Variants in ZNF808 observed in about 807,000 individuals in gnomAD.
The protein encoded by ZNF808 is zinc finger protein 808.
ZNF808 carries 5 observed loss-of-function variants against 8.7 expected under a neutral mutation model. The ratio of observed to expected loss-of-function variants is 0.58; its 90% confidence interval spans 0.30 to 1.21. The LOEUF (loss-of-function observed/expected upper bound fraction) is 1.21. Ranked by LOEUF, ZNF808 falls within the 50% of genes most tolerant of loss-of-function variation. ZNF808 has a pLI of 0.07. For synonymous variants in ZNF808, 380 were observed against 366.0 expected (o/e 1.04, Z -0.44); for missense variants, 1,103 against 1,098.4 (o/e 1.00, Z -0.06).
At chr19:52,529,693 G>C (rs772101115) in intron 1 of ZNF808, among the ~76,000 whole-genome samples, 4 of 151,932 alleles carry the variant, frequency 2.6e-5, no homozygotes, top group Non-Finnish European at 5.9e-5. Context: ...AAAAGTCGCT[G>C]TCTGTTATTA....
rs554180206 is a variant in ZNF808 at position 52,561,469 on chromosome 19, G to A, written c.*423-1849G>A. On this transcript the variant is annotated intron_variant and NMD_transcript_variant, in intron 3 of 3. Transcript: ENST00000487863. Reference sequence around the variant, plus strand: ...TGATCAAGTTTGTCCCTCACTTAGCGTATGTGCAAATTGGGGTCATGTACA... The same window carrying A: ...TGATCAAGTTTGTCCCTCACTTAGCATATGTGCAAATTGGGGTCATGTACA... Among the ~76,000 whole-genome samples, 75 of 151,794 alleles carry A rather than the reference G, an allele frequency of 4.9e-4. 1 individual carries two copies. The highest frequency in any genetic ancestry group is 9.9e-4 in the Non-Finnish European group (67 of 67,986).
At chr19:52,565,777 C>T (rs1365063704), downstream of ZNF808, among the ~76,000 whole-genome samples, 1 of 152,190 alleles carries the variant, frequency 6.6e-6, no homozygotes, top group Non-Finnish European at 1.5e-5. Flanking sequence ...TGGAAGCCCG[C>T]AATTCCAGTT....
intron 3 of ZNF808, among the ~76,000 whole-genome samples, chr19:52,544,958 G>T (rs1041012497): frequency 2.6e-5 from 4 of 152,100 alleles, no homozygotes; most frequent in Non-Finnish European, 2.9e-5. Context: ...TAATTATTTT[G>T]TATTTTTAGT....
At position 52,554,808 on chromosome 19, in the gene ZNF808, C is replaced by G; in HGVS notation, c.1892C>G (p.Ala631Gly). 1.9e-6 allele frequency: 3 copies of G among 1,613,976 alleles called. No homozygotes were observed. Among genetic ancestry groups the G allele is most frequent in the Non-Finnish European group, 2.5e-6 (3 of 1,179,982 alleles). ...KPYRCQVCDTAFTWNSQLARH... is the reference protein window; with the variant it reads ...KPYRCQVCDTGFTWNSQLARH... The stretch of plus-strand genomic sequence containing the variant: ...TACAGATGTCAGGTTTGTGACACAG[C>G]TTTCACGTGGAATTCACAGCTGGCA... Residue 631 changes from alanine to glycine, a missense_variant, in exon 5 of 5, where the codon GCT (alanine) becomes GGT (glycine). Transcript: ENST00000359798.
chr19:52,545,668 C>T (rs1032673029), intron 3 of ZNF808, among the ~76,000 whole-genome samples: 1 of 151,934 alleles, frequency 6.6e-6, no homozygotes, highest in African/African-American at 2.4e-5. Flanking sequence ...ATCCTAGCTA[C>T]TGGGGAGGCT....
In ZNF808 at chr19:52,555,169, A is replaced by G. The variant is rs775111727; in HGVS notation, c.2253A>G (p.Leu751=). 18 of 1,613,622 alleles carry G rather than the reference A, an allele frequency of 1.1e-5. No individual in the cohort carries two copies. Among genetic ancestry groups the G allele is most frequent in the Admixed American group, 1.7e-5 (1 of 59,994 alleles). Residue 751 remains leucine (L), a synonymous_variant, in exon 5 of 5, where the codon CTA becomes CTG. Coordinates refer to ENST00000359798, the MANE Select transcript of ZNF808 (RefSeq NM_001039886.4). ...SKTFSQKATL[L]CHRRLHSGEK... is the part of the protein sequence containing the mutation. ...CGTTCAGTCAGAAGGCAACCCTTCT[A>G]TGCCATCGTAGACTTCATAGTGGTG...
At chr19:52,561,613 T>G (rs1305853707) in intron 3 of ZNF808, among the ~76,000 whole-genome samples, 2 of 151,616 alleles carry the variant, frequency 1.3e-5, no homozygotes, top group African/African-American at 2.4e-5. Flanking sequence ...AATGGCGCAA[T>G]CTCGGCTCAC....
At chr19:52,531,928 T>A (rs1157420649) in intron 1 of ZNF808, among the ~76,000 whole-genome samples, 1 of 152,222 alleles carries the variant, frequency 6.6e-6, no homozygotes, top group Non-Finnish European at 1.5e-5. Context: ...CAGAAGGTAG[T>A]GATCTTAACA....
At position 52,553,588 on chromosome 19, in the gene ZNF808, A is replaced by G; in HGVS notation, c.672A>G (p.Val224=). 6.2e-7 allele frequency: 1 copy of G among 1,614,216 alleles called. No individual in the cohort carries two copies. Among genetic ancestry groups the G allele is most frequent in the Admixed American group, 1.7e-5 (1 of 60,016 alleles). The change falls in exon 5 of 5, where the codon GTA becomes GTG. Residue 224 remains valine, a synonymous_variant. Coordinates refer to ENST00000359798, the MANE Select transcript of ZNF808 (RefSeq NM_001039886.4). ...NSSLLPQKQE[V]HMREKSFPCN... is the part of the protein sequence containing the mutation. Reference sequence around the variant, plus strand: ...CATTACTCCCACAAAAACAGGAAGTACACATGAGAGAAAAATCTTTCCCAT... The same window carrying G: ...CATTACTCCCACAAAAACAGGAAGTGCACATGAGAGAAAAATCTTTCCCAT...
rs148576617 is a variant in ZNF808, at chr19:52,542,847, C to T, written c.-19-419C>T. 3.9e-3 allele frequency among the ~76,000 whole-genome samples: 588 copies of T among 151,152 alleles called. 2 individuals carry two copies. The highest frequency in any genetic ancestry group is 0.014 in the African/African-American group (559 of 41,156). Reference sequence around the variant, plus strand: ...TTTTTGAGATGAAGTCTCATTTTGTCGCCCAGGCTGGAGTGCAGTGGCACG... The same window carrying T: ...TTTTTGAGATGAAGTCTCATTTTGTTGCCCAGGCTGGAGTGCAGTGGCACG... On this transcript the variant is annotated intron_variant, in intron 2 of 4. Transcript: ENST00000359798.
downstream of ZNF808, among the ~76,000 whole-genome samples, chr19:52,568,511 T>C (rs774571065): frequency 5.3e-5 from 8 of 152,212 alleles, no homozygotes; most frequent in Admixed American, 1.3e-4. Context: ...TCCCTTCTTA[T>C]GGAGTGATAA....
chr19:52,531,499 T>G (rs548817740), intron 1 of ZNF808, among the ~76,000 whole-genome samples: 1 of 151,670 alleles, frequency 6.6e-6, no homozygotes, highest in African/African-American at 2.4e-5. Context: ...ATTAATTAAT[T>G]AATTAATAAT....
At chr19:52,535,611 A>C (rs1194094473) in intron 2 of ZNF808, among the ~76,000 whole-genome samples, 1 of 152,178 alleles carries the variant, frequency 6.6e-6, no homozygotes, top group Admixed American at 6.5e-5. Context: ...GAAGTCTCTG[A>C]AGCTGAGCAC....
At chr19:52,559,503 G>C (rs1230835291), downstream of ZNF808, among the ~76,000 whole-genome samples, 1 of 152,040 alleles carries the variant, frequency 6.6e-6, no homozygotes, top group Non-Finnish European at 1.5e-5. Flanking sequence ...GAACTCAGAG[G>C]CCGGTGCAGG....
intron 3 of ZNF808, among the ~76,000 whole-genome samples, chr19:52,563,010 G>A (rs565190734): frequency 3.3e-5 from 5 of 151,918 alleles, no homozygotes; most frequent in African/African-American, 4.8e-5. Context: ...TCCTGACCCC[G>A]TGATCTGCCC....
intron 4 of ZNF808, 101 bp downstream of exon 4, chr19:52,547,739 G>GTT (rs1300723717): frequency 0.01 from 10,287 of 995,696 alleles, 51 homozygotes; most frequent in African/African-American, 0.061. Context: ...ATCCATGCTG[G>GTT]TTTTTTTTTT....
chr19:52,554,175 T>C lies in ZNF808; in HGVS notation c.1259T>C (p.Leu420Pro). The change falls in exon 5 of 5, where the codon CTT becomes CCT. Residue 420 changes from leucine (L) to proline (P), a missense_variant. Leu to Pro is a moderately conservative substitution (Grantham distance 98, BLOSUM62 -3). Coordinates refer to ENST00000359798, the MANE Select transcript of ZNF808 (RefSeq NM_001039886.4). The stretch of plus-strand genomic sequence containing the variant: ...TCAAGCCTTGCACGTCATCATATAC[T>C]TCATACTGGAGAGAAACCTTACAAA... ...HQSSLARHHI[L>P]HTGEKPYKCE... The C allele has an allele frequency of 6.2e-7, 1 of 1,614,126 alleles. No homozygotes were observed. The highest frequency in any genetic ancestry group is 1.1e-5 in the South Asian group (1 of 91,082).
chr19:52,541,431 A>G (rs537672803), intron 2 of ZNF808, among the ~76,000 whole-genome samples: 65 of 152,148 alleles, frequency 4.3e-4, no homozygotes, highest in African/African-American at 1.4e-3. Flanking sequence ...CTTTCAGGCA[A>G]TCACATGGGA....
rs1447975194 is a variant in ZNF808 at position 52,543,302 on chromosome 19, A to C, written c.18A>C (p.Ala6=). 1 of 1,613,696 alleles carries C rather than the reference A, an allele frequency of 6.2e-7. No homozygotes were observed. The highest frequency in any genetic ancestry group is 1.3e-5 in the African/African-American group (1 of 74,916). MLREE[A]AQKRKGKESG... The stretch of plus-strand genomic sequence containing the variant: ...AAAGACTCATGTTACGTGAGGAAGC[A>C]GCTCAGAAGAGGAAAGGAAAGGAGT... Residue 6 remains alanine, a synonymous_variant, in exon 3 of 5, where the codon GCA becomes GCC. Coordinates refer to ENST00000359798, the MANE Select transcript of ZNF808 (RefSeq NM_001039886.4).
Sources: allele counts gnomAD v4.1 joint callset (sites outside exome capture counted in the v4.1 genomes callset), GRCh38; gene constraint gnomAD v4.1.1; transcripts MANE v1.5; gene names NCBI Gene and HGNC (gene_info 2026-07-23, HGNC 2026-07-21).